The following ZRANB3 variants were observed in gnomAD, a reference collection of about 807,000 sequenced individuals.
ZRANB3 encodes zinc finger RANBP2-type containing 3.
ZRANB3 carries 125 observed loss-of-function variants against 133.8 expected under a neutral mutation model. The observed-to-expected ratio is 0.93, with a 90% CI of 0.81 to 1.08. ZRANB3 has a LOEUF of 1.08. Among genes scored for constraint, ZRANB3 ranks in the 50% least tolerant of loss-of-function variants. The pLI, the probability that ZRANB3 is intolerant of heterozygous loss-of-function variation, is 0.00. For synonymous variants in ZRANB3, 387 were observed against 432.7 expected (o/e 0.89, Z 1.31); for missense variants, 1,229 against 1,275.5 (o/e 0.96, Z 0.56).
chr2:135,418,934 T>C (rs753802298), intron 2 of ZRANB3, among the ~76,000 whole-genome samples: 5,819 of 100,914 alleles, frequency 0.058, 210 homozygotes, highest in Middle Eastern at 0.12. Context: ...TCTTTTTTTT[T>C]TTTTTTTTTT....
chr2:135,265,735 T>G, intron 11 of ZRANB3, 49 bp from the exon 12 acceptor site: 1 of 1,541,822 alleles, frequency 6.5e-7, no homozygotes, highest in Non-Finnish European at 8.8e-7. Flanking sequence ...ACCTCACAGC[T>G]GAAATTCACT....
intron 6 of ZRANB3, among the ~76,000 whole-genome samples, chr2:135,324,492 T>C (rs976497279): frequency 2.0e-5 from 3 of 152,156 alleles, no homozygotes; most frequent in Non-Finnish European, 2.9e-5. Flanking sequence ...TGTTGGACAT[T>C]TGGGTTGGCT....
At chr2:135,269,266 C>T in intron 10 of ZRANB3, 125 bp from the exon 11 acceptor site, 1 of 713,732 alleles carries the variant, frequency 1.4e-6, no homozygotes, top group Non-Finnish European at 2.0e-6. Context: ...CTATTTTAGG[C>T]CAAATTAAGA....
intron 3 of ZRANB3, among the ~76,000 whole-genome samples, chr2:135,356,029 T>A (rs899212391): frequency 3.3e-5 from 5 of 152,120 alleles, no homozygotes; most frequent in African/African-American, 1.2e-4. Context: ...CTAACAATGT[T>A]CTGTGTTGGC....
At chr2:135,345,324 C>G (rs1194116357) in intron 6 of ZRANB3, 2 of 348,472 alleles carry the variant, frequency 5.7e-6, no homozygotes, top group Non-Finnish European at 1.0e-5. Context: ...AAAAATTAGC[C>G]GGGCATGGTG....
intron 2 of ZRANB3, among the ~76,000 whole-genome samples, chr2:135,481,743 T>A (rs1246645366): frequency 1.3e-5 from 2 of 150,890 alleles, no homozygotes; most frequent in South Asian, 2.1e-4. Flanking sequence ...GTTTTTATGG[T>A]TTTAGGTATA....
chr2:135,287,213 A>AAC (rs1681419898), intron 8 of ZRANB3, among the ~76,000 whole-genome samples: 1 of 152,184 alleles, frequency 6.6e-6, no homozygotes, highest in African/African-American at 2.4e-5. Flanking sequence ...TGCTTTGTTG[A>AAC]AGATCAGTTG....
At chr2:135,298,445 G>A (rs1198477838) in intron 8 of ZRANB3, among the ~76,000 whole-genome samples, 1 of 152,208 alleles carries the variant, frequency 6.6e-6, no homozygotes, top group South Asian at 2.1e-4. Flanking sequence ...CATTTGGGTA[G>A]ACCATGTCAG....
intron 8 of ZRANB3, among the ~76,000 whole-genome samples, chr2:135,306,534 C>T (rs1682711376): frequency 6.6e-6 from 1 of 151,030 alleles, no homozygotes; most frequent in Admixed American, 6.6e-5. Flanking sequence ...CCTCGTGATC[C>T]ACCCGTCTCG....
intron 3 of ZRANB3, among the ~76,000 whole-genome samples, chr2:135,363,237 T>C (rs918065894): frequency 3.9e-5 from 6 of 152,270 alleles, no homozygotes; most frequent in African/African-American, 7.2e-5. Context: ...GGCATGATCA[T>C]AGTTCATTGT....
At chr2:135,289,305 G>T (rs777684041) in intron 8 of ZRANB3, among the ~76,000 whole-genome samples, 1 of 152,080 alleles carries the variant, frequency 6.6e-6, no homozygotes, top group East Asian at 1.9e-4. Flanking sequence ...GCCAAGGCTG[G>T]AGTGTAGTGG....
chr2:135,530,909 A>C (rs574716347), intron 1 of ZRANB3, among the ~76,000 whole-genome samples: 1 of 152,246 alleles, frequency 6.6e-6, no homozygotes, highest in Non-Finnish European at 1.5e-5. Context: ...CATGTTGGGA[A>C]TCGTAGTCCG....
chr2:135,232,167 C>G (rs776303366), intron 12 of ZRANB3, among the ~76,000 whole-genome samples: 1 of 152,170 alleles, frequency 6.6e-6, no homozygotes, highest in Non-Finnish European at 1.5e-5. Flanking sequence ...CTCAGAGGGT[C>G]CTACACCCAT....
In ZRANB3 at chr2:135,493,235, A is replaced by C. The variant is rs1574197767; in HGVS notation, c.161+11094T>G. Among the ~76,000 whole-genome samples, 3 of 145,466 alleles carry C rather than the reference A, an allele frequency of 2.1e-5. No homozygotes were observed. The South Asian group carries it at 6.5e-4, about 31-fold the overall frequency. ...AACAGAAGACGATTTTGTAATCTTC[A>C]GGTAGGAAATGACTTGTTCAAATAT... is the stretch of plus-strand genomic sequence containing the variant. On this transcript the variant is annotated intron_variant, in intron 2 of 20. Transcript: ENST00000264159.
chr2:135,488,124 T>C (rs1574188187), intron 2 of ZRANB3, among the ~76,000 whole-genome samples: 1 of 152,078 alleles, frequency 6.6e-6, no homozygotes. Context: ...CAGAGGCCTG[T>C]GGAGAGGGAA....
chr2:135,346,069 C>T (rs1003914058), intron 5 of ZRANB3, among the ~76,000 whole-genome samples: 2 of 152,104 alleles, frequency 1.3e-5, no homozygotes, highest in African/African-American at 4.8e-5. Context: ...TGATATTGGA[C>T]ATATAGGCTA....
rs149859488 is a variant in ZRANB3, at chr2:135,313,288, G to T, written c.966+201C>A. On this transcript the variant is annotated intron_variant, in intron 8 of 20. Transcript: ENST00000264159. ...GAATGGCTTGAACCTGGGAGGCGGA[G>T]GCTGCAGTGAGCCGAGATCACGCCA... Among the ~76,000 whole-genome samples, 354 of 151,006 alleles carry T rather than the reference G, an allele frequency of 2.3e-3. 3 individuals are homozygous for T. The highest frequency in any genetic ancestry group is 8.0e-3 in the African/African-American group (329 of 41,152).
intron 6 of ZRANB3, among the ~76,000 whole-genome samples, chr2:135,342,881 T>C (rs1684744035): frequency 6.7e-6 from 1 of 148,582 alleles, no homozygotes; most frequent in Non-Finnish European, 1.5e-5. Flanking sequence ...AGGGTAAATG[T>C]TGGCTGGGCA....
In ZRANB3 at chr2:135,199,195, A is replaced by T. The variant is rs972014034; in HGVS notation, c.*1147T>A. 1.3e-5 allele frequency: 2 copies of T among 152,246 alleles called. No homozygotes were observed. The highest frequency in any genetic ancestry group is 4.8e-5 in the African/African-American group (2 of 41,464). 9.4% of individuals were successfully genotyped at this position (152,246 alleles called of 1,614,324 possible). A position where few individuals can be genotyped will look rare whatever the true frequency, so the allele number is the denominator to read the frequency against. ...GTTTTGTCATCATCACTCTTTTTAAAATAAGTACCAGAAACATACCTTTAA... is the reference window on the plus strand; with the variant it reads ...GTTTTGTCATCATCACTCTTTTTAATATAAGTACCAGAAACATACCTTTAA... On this transcript the variant is annotated 3_prime_UTR_variant, in exon 21 of 21. Coordinates refer to ENST00000264159, the MANE Select transcript of ZRANB3 (RefSeq NM_032143.4).
Sources: gnomAD v4.1 joint callset for allele counts (sites outside exome capture counted in the v4.1 genomes callset) on GRCh38, gnomAD v4.1.1 for gene constraint, MANE v1.5 for transcripts, NCBI Gene and HGNC (gene_info 2026-07-23, HGNC 2026-07-21) for gene names.